The following MAP1B variants were observed in gnomAD, a reference collection of about 807,000 sequenced individuals.
The protein encoded by MAP1B is microtubule associated protein 1B.
MAP1B carries 12 observed loss-of-function variants against 176.1 expected under a neutral mutation model. That is an observed-to-expected ratio of 0.07 (90% confidence interval 0.04 to 0.11). The LOEUF (loss-of-function observed/expected upper bound fraction) is 0.11, where lower values mean the gene tolerates loss of function less well. MAP1B is among the 10% of genes least tolerant of loss of function. The pLI, the probability that MAP1B is intolerant of heterozygous loss-of-function variation, is 1.00. For synonymous variants in MAP1B, 1,044 were observed against 1,135.0 expected (o/e 0.92, Z 1.61); for missense variants, 2,523 against 2,990.5 (o/e 0.84, Z 3.65).
At chr5:72,151,657 A>G (rs1359770294) in intron 2 of MAP1B, among the ~76,000 whole-genome samples, 1 of 152,160 alleles carries the variant, frequency 6.6e-6, no homozygotes, top group East Asian at 1.9e-4. Context: ...ATTTGTTTTC[A>G]TAATTTTTTA....
chr5:72,193,256 T>C, intron 4 of MAP1B: 1 of 288,280 alleles, frequency 3.5e-6, no homozygotes, highest in Non-Finnish European at 6.1e-6. Flanking sequence ...CCCACCAAGG[T>C]TTTTTCTTTT....
chr5:72,193,298 C>T (rs1747067432), intron 4 of MAP1B: 2 of 425,146 alleles, frequency 4.7e-6, no homozygotes, highest in South Asian at 1.7e-5. Flanking sequence ...GAGGCCACAA[C>T]AAGTGCCCTG....
At chr5:72,192,869 G>A (rs1466572135) in intron 4 of MAP1B, among the ~76,000 whole-genome samples, 1 of 152,226 alleles carries the variant, frequency 6.6e-6, no homozygotes, top group Non-Finnish European at 1.5e-5. Context: ...GAGACAAGTA[G>A]TGTTTTTATT....
intron 2 of MAP1B, among the ~76,000 whole-genome samples, chr5:72,142,044 G>T (rs548393387): frequency 6.6e-6 from 1 of 152,264 alleles, no homozygotes; most frequent in African/African-American, 2.4e-5. Context: ...ATTATTTCTG[G>T]AATGCAGTCC....
At chr5:72,128,314 A>G (rs1745664573) in intron 2 of MAP1B, among the ~76,000 whole-genome samples, 1 of 152,142 alleles carries the variant, frequency 6.6e-6, no homozygotes, top group Non-Finnish European at 1.5e-5. Flanking sequence ...TGGTGTCCTC[A>G]ATACTAATAT....
chr5:72,183,672 G>A (rs989427891), intron 2 of MAP1B, 71 bp from the exon 3 acceptor site: 1 of 1,095,544 alleles, frequency 9.1e-7, no homozygotes, highest in Non-Finnish European at 1.4e-6. Flanking sequence ...GCTGTCCCAG[G>A]AGCAGGCAGG....
At chr5:72,126,127 G>A (rs1745625427) in intron 2 of MAP1B, among the ~76,000 whole-genome samples, 1 of 152,188 alleles carries the variant, frequency 6.6e-6, no homozygotes, top group African/African-American at 2.4e-5. Context: ...TGTGTTGAGG[G>A]AAGCAGGGAG....
At chr5:72,180,001 C>G in intron 2 of MAP1B, 5 of 857,746 alleles carry the variant, frequency 5.8e-6, no homozygotes, top group Non-Finnish European at 7.0e-6. Flanking sequence ...AAGGCTCCTG[C>G]CAGGGGCCAC....
At chr5:72,145,283 A>T (rs953731207) in intron 2 of MAP1B, among the ~76,000 whole-genome samples, 10 of 152,180 alleles carry the variant, frequency 6.6e-5, no homozygotes, top group African/African-American at 2.2e-4. Context: ...TTTCTCTGCC[A>T]AAAGAAAATA....
chr5:72,119,139 G>T (rs1329372642), intron 2 of MAP1B, among the ~76,000 whole-genome samples: 1 of 151,912 alleles, frequency 6.6e-6, no homozygotes, highest in Non-Finnish European at 1.5e-5. Context: ...TGTACACAAG[G>T]TGGGTGGTGG....
rs1351380244 is a variant in MAP1B, at chr5:72,195,607, A to C, written c.2252A>C (p.Lys751Thr). Residue 751 changes from lysine to threonine, a missense_variant, in exon 5 of 7, where the codon AAA becomes ACA. Transcript: ENST00000296755. Reference sequence around the variant, plus strand: ...TCTACTCCTCTGTCTGAAGCAAAAAAACCAGCTGCTTTAAAACCAAAAGTA... The same window carrying C: ...TCTACTCCTCTGTCTGAAGCAAAAACACCAGCTGCTTTAAAACCAAAAGTA... ...KSSTPLSEAK[K>T]PAALKPKVPK... is the part of the protein sequence containing the mutation. 8 of 1,614,116 alleles carry C rather than the reference A, an allele frequency of 5.0e-6. No individual in the cohort carries two copies. Among genetic ancestry groups the C allele is most frequent in the Non-Finnish European group, 6.8e-6 (8 of 1,180,044 alleles).
At chr5:72,174,195 T>C (rs943160249) in intron 2 of MAP1B, among the ~76,000 whole-genome samples, 34 of 152,236 alleles carry the variant, frequency 2.2e-4, no homozygotes, top group African/African-American at 8.2e-4. Context: ...TCTCTGATGC[T>C]GGACAAGACA....
intron 2 of MAP1B, among the ~76,000 whole-genome samples, chr5:72,158,249 C>T (rs1234806176): frequency 6.8e-6 from 1 of 147,498 alleles, no homozygotes. Flanking sequence ...ACCTTGTGAT[C>T]CGCTCACCTC....
intron 2 of MAP1B, among the ~76,000 whole-genome samples, chr5:72,117,869 G>T (rs899332344): frequency 1.3e-5 from 2 of 152,194 alleles, no homozygotes; most frequent in Admixed American, 6.5e-5. Context: ...TCATGCTCCT[G>T]TGTGGGGAGC....
In MAP1B at chr5:72,206,255, T is replaced by C. The variant is rs1747444053; in HGVS notation, c.*1016T>C. The C allele has an allele frequency of 6.5e-6, 1 of 152,738 alleles. No homozygotes were observed. The highest frequency in any genetic ancestry group is 2.4e-5 in the African/African-American group (1 of 41,554). 9.5% of individuals were successfully genotyped at this position (152,738 alleles called of 1,614,324 possible). A position where few individuals can be genotyped will look rare whatever the true frequency, so the allele number is the denominator to read the frequency against. ...TGTGAGACAGCAAGTTTATAAAACA[T>C]CCATATAGGATTATAGATACTTAAA... On this transcript the variant is annotated 3_prime_UTR_variant, in exon 7 of 7. Coordinates refer to ENST00000296755, the MANE Select transcript of MAP1B (RefSeq NM_005909.5).
intron 4 of MAP1B, among the ~76,000 whole-genome samples, chr5:72,189,409 T>C (rs527782432): frequency 2.0e-5 from 3 of 152,344 alleles, no homozygotes; most frequent in South Asian, 2.1e-4. Context: ...CTTTCCCACC[T>C]ACAGTGTCTT....
At chr5:72,150,917 A>T (rs1746128509) in intron 2 of MAP1B, among the ~76,000 whole-genome samples, 1 of 152,182 alleles carries the variant, frequency 6.6e-6, no homozygotes, top group Non-Finnish European at 1.5e-5. Context: ...TGTGGAGGTG[A>T]TGCACAGCAG....
chr5:72,123,604 G>C (rs1013779882), intron 2 of MAP1B, among the ~76,000 whole-genome samples: 3 of 151,806 alleles, frequency 2.0e-5, no homozygotes, highest in Admixed American at 6.6e-5. Context: ...CCTGCCTCAG[G>C]CTCCCGAGTA....
chr5:72,184,981 TC>T (rs1237167515), intron 3 of MAP1B, among the ~76,000 whole-genome samples: 1 of 152,206 alleles, frequency 6.6e-6, no homozygotes, highest in East Asian at 1.9e-4. Context: ...TCTCCATTCT[TC>T]CCCGATGCCG....
Sources: allele counts gnomAD v4.1 joint callset (sites outside exome capture counted in the v4.1 genomes callset), GRCh38; gene constraint gnomAD v4.1.1; transcripts MANE v1.5; gene names NCBI Gene and HGNC (gene_info 2026-07-23, HGNC 2026-07-21).